PCDH11Y: variants seen among roughly 807,000 people sequenced by gnomAD.
PCDH11Y encodes the protein protocadherin-11 Y-linked.
For missense variants in PCDH11Y, 12 were observed against 224.8 expected (o/e 0.05, Z 6.05); for synonymous variants, 9 against 83.6 (o/e 0.11, Z 4.87).
intron 2 of PCDH11Y, among the ~76,000 whole-genome samples, chrY:5,222,153 C>A: frequency 3.0e-5 from 1 of 33,161 alleles, no homozygotes; most frequent in South Asian, 6.6e-4. Context: ...GGTGTATGAT[C>A]TTTTTAATGT....
chrY:5,677,961 T>C, intron 4 of PCDH11Y, among the ~76,000 whole-genome samples: 1 of 33,114 alleles, frequency 3.0e-5, no homozygotes, highest in Non-Finnish European at 7.5e-5. Context: ...TTGTTTATAT[T>C]TGTCTTAGTA....
At chrY:5,551,927 CAA>C (rs2053419025) in intron 3 of PCDH11Y, among the ~76,000 whole-genome samples, 1 of 32,364 alleles carries the variant, frequency 3.1e-5, no homozygotes, top group African/African-American at 1.2e-4. Context: ...TAAAAATACA[CAA>C]GTTTACCTGT....
At chrY:5,644,533 CTT>C (rs2053525216) in intron 4 of PCDH11Y, among the ~76,000 whole-genome samples, 2 of 33,448 alleles carry the variant, frequency 6.0e-5, no homozygotes, top group African/African-American at 2.3e-4. Context: ...CAAAGTAAGA[CTT>C]TAAAAAAAGT....
At chrY:5,318,713 ATGTGTG>A (rs760151133) in intron 2 of PCDH11Y, among the ~76,000 whole-genome samples, 2 of 24,368 alleles carry the variant, frequency 8.2e-5, no homozygotes, top group African/African-American at 1.5e-4. Flanking sequence ...AAAAAGTAAT[ATGTGTG>A]TGTGTGTGTG....
chrY:5,067,808 T>C (rs2052689726), intron 1 of PCDH11Y, among the ~76,000 whole-genome samples: 4 of 30,798 alleles, frequency 1.3e-4, no homozygotes, highest in Admixed American at 3.1e-4. Flanking sequence ...GTCAGGAGAT[T>C]GAGACCATCC....
At chrY:5,084,566 A>AT (rs2052726268) in intron 1 of PCDH11Y, among the ~76,000 whole-genome samples, 1 of 27,793 alleles carries the variant, frequency 3.6e-5, no homozygotes, top group Non-Finnish European at 8.5e-5. Context: ...TTCTTTGTTG[A>AT]TTTTCTGTTG....
At chrY:5,040,302 G>A in intron 3 of PCDH11Y, among the ~76,000 whole-genome samples, 3 of 32,076 alleles carry the variant, frequency 9.4e-5, no homozygotes, top group Admixed American at 5.8e-4. Context: ...ACACATGCAC[G>A]CACATAAATG....
intron 2 of PCDH11Y, among the ~76,000 whole-genome samples, chrY:5,471,903 C>T: frequency 6.1e-5 from 2 of 32,921 alleles, no homozygotes; most frequent in East Asian, 8.0e-4. Context: ...GAAACACGAA[C>T]ATTTTAATGC....
intron 2 of PCDH11Y, among the ~76,000 whole-genome samples, chrY:5,312,089 A>G (rs2053101444): frequency 3.1e-5 from 1 of 32,590 alleles, no homozygotes; most frequent in African/African-American, 1.2e-4. Context: ...GTTTTTTGCT[A>G]TTCTGTTGTC....
chrY:5,191,925 C>A (rs2052913025), intron 2 of PCDH11Y, among the ~76,000 whole-genome samples: 1 of 31,553 alleles, frequency 3.2e-5, no homozygotes, highest in African/African-American at 1.3e-4. Flanking sequence ...GTCCCCAAAC[C>A]GTGGGCCATG....
intron 2 of PCDH11Y, among the ~76,000 whole-genome samples, chrY:5,139,097 C>A (rs2052844767): frequency 3.0e-5 from 1 of 33,532 alleles, no homozygotes; most frequent in South Asian, 6.6e-4. Context: ...ATACACAAGT[C>A]AATAAATGTG....
chrY:5,466,202 A>G, intron 2 of PCDH11Y, among the ~76,000 whole-genome samples: 1 of 31,714 alleles, frequency 3.2e-5, no homozygotes, highest in Non-Finnish European at 7.9e-5. Context: ...AATATTGAAG[A>G]TGCAGTATCT....
intron 2 of PCDH11Y, among the ~76,000 whole-genome samples, chrY:5,227,495 T>C (rs2052962093): frequency 2.9e-5 from 1 of 34,308 alleles, no homozygotes; most frequent in Admixed American, 2.6e-4. Context: ...GCAGTGGGCA[T>C]TCCTGTCATG....
chrY:5,086,965 G>A, intron 1 of PCDH11Y, among the ~76,000 whole-genome samples: 2 of 33,371 alleles, frequency 6.0e-5, no homozygotes, highest in South Asian at 1.4e-3. Context: ...AGCCAGCTAG[G>A]TCTATGTCTT....
intron 2 of PCDH11Y, among the ~76,000 whole-genome samples, chrY:5,218,906 T>C: frequency 3.0e-5 from 1 of 33,309 alleles, no homozygotes. Context: ...TAATGACCAT[T>C]CTGCAATCTG....
chrY:5,096,869 AT>A (rs1171845147), intron 1 of PCDH11Y, among the ~76,000 whole-genome samples: 8 of 19,330 alleles, frequency 4.1e-4, no homozygotes, highest in South Asian at 1.3e-3. Context: ...ACGCCAGGCT[AT>A]TTTTTTTTTT....
At chrY:5,219,838 G>GGAGC (rs2052950862) in intron 2 of PCDH11Y, among the ~76,000 whole-genome samples, 1 of 33,658 alleles carries the variant, frequency 3.0e-5, no homozygotes, top group Admixed American at 2.7e-4. Flanking sequence ...CAAATGTCAA[G>GGAGC]GAGCTTTCCT....
intron 2 of PCDH11Y, among the ~76,000 whole-genome samples, chrY:5,466,308 G>A (rs2053308032): frequency 3.1e-5 from 1 of 31,811 alleles, no homozygotes; most frequent in Non-Finnish European, 7.8e-5. Context: ...GAATTTTAGA[G>A]AGAAAAATGA....
intron 2 of PCDH11Y, among the ~76,000 whole-genome samples, chrY:5,227,709 A>G: frequency 3.2e-5 from 1 of 30,864 alleles, no homozygotes; most frequent in Non-Finnish European, 7.9e-5. Flanking sequence ...TTTATCCTTC[A>G]TTCTCTTGAT....
Sources: gnomAD v4.1 joint callset for allele counts (sites outside exome capture counted in the v4.1 genomes callset) on GRCh38, gnomAD v4.1.1 for gene constraint, MANE v1.5 for transcripts, NCBI Gene and HGNC (gene_info 2026-07-23, HGNC 2026-07-21) for gene names.